Variants in DARS1 observed in about 807,000 individuals in gnomAD.
DARS1 encodes aspartate--tRNA ligase, cytoplasmic.
In DARS1, 51 loss-of-function variants were observed where a neutral mutation model predicts 68.8. The ratio of observed to expected loss-of-function variants is 0.74; its 90% CI spans 0.59 to 0.94. DARS1 has a LOEUF of 0.94. Ranked by LOEUF, DARS1 falls within the 40% of genes least tolerant of loss-of-function variation. The pLI, the probability that DARS1 is intolerant of heterozygous loss-of-function variation, is 0.00. For synonymous variants in DARS1, 203 were observed against 190.4 expected (o/e 1.07, Z -0.55); for missense variants, 607 against 597.3 (o/e 1.02, Z -0.17).
chr2:135,947,633 TTAAG>T (rs1272535847), intron 4 of DARS1, among the ~76,000 whole-genome samples: 4 of 151,824 alleles, frequency 2.6e-5, no homozygotes, highest in Non-Finnish European at 1.5e-5. Context: ...CTCTACAAGG[TTAAG>T]TAATTAGACT....
intron 3 of DARS1, among the ~76,000 whole-genome samples, chr2:135,964,102 G>GT (rs1230544455): frequency 2.0e-5 from 3 of 152,134 alleles, no homozygotes; most frequent in Non-Finnish European, 4.4e-5. Flanking sequence ...GAACACGAAC[G>GT]TAAGTATTTG....
Position 135,911,217 on chromosome 2 carries a change from A to G in DARS1, c.1343-7T>C, listed in dbSNP as rs199507494. 7.0e-7 allele frequency: 1 copy of G among 1,425,476 alleles called. No individual in the cohort carries two copies. The highest frequency in any genetic ancestry group is 2.3e-5 in the East Asian group (1 of 43,932). 88.3% of individuals were successfully genotyped at this position (1,425,476 alleles called of 1,614,324 possible). On this transcript the variant is annotated splice_polypyrimidine_tract_variant and splice_region_variant and intron_variant, in intron 14 of 15. Coordinates refer to ENST00000264161, the MANE Select transcript of DARS1 (RefSeq NM_001349.4). Reference sequence around the variant, plus strand: ...GCCTTAATTTTCTCCAAATCTGCAAAAAGACACAAAACAAAATATAATTTA... The same window carrying G: ...GCCTTAATTTTCTCCAAATCTGCAAGAAGACACAAAACAAAATATAATTTA...
At chr2:135,956,039 C>T (rs1681967078) in intron 4 of DARS1, among the ~76,000 whole-genome samples, 1 of 152,292 alleles carries the variant, frequency 6.6e-6, no homozygotes, top group East Asian at 1.9e-4. Context: ...TAGTACCACA[C>T]TAGACCTCAG....
At chr2:135,921,667 T>C (rs755716741) in intron 9 of DARS1, among the ~76,000 whole-genome samples, 6 of 152,196 alleles carry the variant, frequency 3.9e-5, no homozygotes, top group Non-Finnish European at 7.4e-5. Context: ...ATTGATTCCC[T>C]TATCACTCAA....
chr2:135,981,674 C>CTTT (rs1312008531), intron 2 of DARS1, among the ~76,000 whole-genome samples: 1 of 140,564 alleles, frequency 7.1e-6, no homozygotes, highest in Non-Finnish European at 1.5e-5. Context: ...GAAATTTTGG[C>CTTT]TTTTTTTTTT....
At chr2:135,939,117 A>C (rs1302516756) in intron 5 of DARS1, among the ~76,000 whole-genome samples, 1 of 152,078 alleles carries the variant, frequency 6.6e-6, no homozygotes, top group African/African-American at 2.4e-5. Flanking sequence ...GAAAGATAAC[A>C]AGGATATCCA....
At chr2:135,945,996 G>GTCTT (rs1681712455) in intron 4 of DARS1, among the ~76,000 whole-genome samples, 1 of 152,040 alleles carries the variant, frequency 6.6e-6, no homozygotes, top group South Asian at 2.1e-4. Context: ...AGCTACATCT[G>GTCTT]TATCTACATC....
At chr2:135,941,059 C>T (rs1417159060) in intron 5 of DARS1, among the ~76,000 whole-genome samples, 1 of 152,138 alleles carries the variant, frequency 6.6e-6, no homozygotes. Flanking sequence ...TAGGAAGAAT[C>T]AATATTGTGA....
chr2:135,930,287 A>G (rs1169533062), intron 7 of DARS1, among the ~76,000 whole-genome samples: 2 of 152,214 alleles, frequency 1.3e-5, no homozygotes, highest in Non-Finnish European at 2.9e-5. Flanking sequence ...GGGCTATTTG[A>G]TAGTGTGATT....
chr2:135,923,450 C>T (rs929094487), intron 8 of DARS1, among the ~76,000 whole-genome samples: 4 of 151,966 alleles, frequency 2.6e-5, no homozygotes, highest in South Asian at 2.1e-4. Context: ...CCACCGCGCC[C>T]GGCTAGTTTT....
chr2:135,908,443 G>A (rs1157992265), intron 15 of DARS1, among the ~76,000 whole-genome samples: 3 of 152,082 alleles, frequency 2.0e-5, no homozygotes, highest in South Asian at 2.1e-4. Context: ...ATGGGACTGC[G>A]GGGTCAAATG....
At chr2:135,960,834 G>A (rs775012219) in intron 4 of DARS1, among the ~76,000 whole-genome samples, 25 of 152,110 alleles carry the variant, frequency 1.6e-4, no homozygotes, top group Non-Finnish European at 2.6e-4. Flanking sequence ...CTGCTTCTAC[G>A]GGAACTCTGA....
chr2:135,936,971 T>C (rs1195470336), intron 5 of DARS1, among the ~76,000 whole-genome samples: 2 of 152,222 alleles, frequency 1.3e-5, no homozygotes, highest in African/African-American at 4.8e-5. Flanking sequence ...TAAAGACTAC[T>C]CCTTAAGAGA....
intron 3 of DARS1, among the ~76,000 whole-genome samples, chr2:135,978,638 T>C (rs1172841379): frequency 1.3e-5 from 2 of 152,220 alleles, no homozygotes; most frequent in African/African-American, 4.8e-5. Context: ...GATCCTAACG[T>C]TTCTTCTCTG....
chr2:135,906,670 C>T lies in DARS1; in HGVS notation c.*646G>A, dbSNP rs1680786901. The T allele has an allele frequency of 6.6e-6, 1 of 152,104 alleles. No individual in the cohort carries two copies. The highest frequency in any genetic ancestry group is 1.5e-5 in the Non-Finnish European group (1 of 68,006). 9.4% of individuals were successfully genotyped at this position (152,104 alleles called of 1,614,324 possible). A position where few individuals can be genotyped will look rare whatever the true frequency, so the allele number is the denominator to read the frequency against. On this transcript the variant is annotated 3_prime_UTR_variant, in exon 16 of 16. Coordinates refer to ENST00000264161, the MANE Select transcript of DARS1 (RefSeq NM_001349.4). Reference sequence around the variant, plus strand: ...AAAATCAGTTGGCCACAAAGTTACACAAAAACTACAATTAGCTTTAAAATT... The same window carrying T: ...AAAATCAGTTGGCCACAAAGTTACATAAAAACTACAATTAGCTTTAAAATT...
In DARS1 at chr2:135,906,728, T is replaced by C. The variant is rs1334046396; in HGVS notation, c.*588A>G. On this transcript the variant is annotated 3_prime_UTR_variant, in exon 16 of 16. Transcript: ENST00000264161. ...AATTCAAGTTTAGAATTTAACAAAT[T>C]AATACAATATTACACTGAATACTTT... is the stretch of plus-strand genomic sequence containing the variant. 1 of 152,198 alleles carries C rather than the reference T, an allele frequency of 6.6e-6. No individual in the cohort carries two copies. Among genetic ancestry groups the C allele is most frequent in the Admixed American group, 6.5e-5 (1 of 15,276 alleles). 9.4% of individuals were successfully genotyped at this position (152,198 alleles called of 1,614,324 possible).
In DARS1 at chr2:135,923,629, A is replaced by G. The variant is rs536633093; in HGVS notation, c.677-711T>C. Among the ~76,000 whole-genome samples, 8 of 152,298 alleles carry G rather than the reference A, an allele frequency of 5.3e-5. No homozygotes were observed. The East Asian group carries it at 1.5e-3, about 29-fold the overall frequency. On this transcript the variant is annotated intron_variant, in intron 8 of 15. Coordinates refer to ENST00000264161, the MANE Select transcript of DARS1 (RefSeq NM_001349.4). ...CTAATTATTAAGAATGCAATGTTCA[A>G]TTGTGAATTTGTAACAAAATGCCAT...
chr2:135,915,364 C>A (rs1185817399), intron 11 of DARS1, among the ~76,000 whole-genome samples: 3 of 152,328 alleles, frequency 2.0e-5, no homozygotes, highest in African/African-American at 7.2e-5. Context: ...TGGGTTACTA[C>A]AGCCTTGATA....
chr2:135,967,950 C>T (rs960113594), intron 3 of DARS1, among the ~76,000 whole-genome samples: 1 of 152,104 alleles, frequency 6.6e-6, no homozygotes, highest in African/African-American at 2.4e-5. Context: ...ATTCAGAGCA[C>T]AAGATTTTAT....
Sources: gnomAD v4.1 joint callset for allele counts (sites outside exome capture counted in the v4.1 genomes callset) on GRCh38, gnomAD v4.1.1 for gene constraint, MANE v1.5 for transcripts, NCBI Gene and HGNC (gene_info 2026-07-23, HGNC 2026-07-21) for gene names.